Variants in TENM4 observed in about 807,000 individuals in gnomAD.
TENM4 encodes teneurin transmembrane protein 4.
In TENM4, 82 loss-of-function variants were observed where a neutral mutation model predicts 243.3. The observed-to-expected ratio is 0.34, with a 90% CI of 0.28 to 0.40. The LOEUF (loss-of-function observed/expected upper bound fraction) is 0.40, where lower values mean the gene tolerates loss of function less well. Among genes scored for constraint, TENM4 ranks in the 10% least tolerant of loss-of-function variants. TENM4 has a pLI of 1.00. For missense variants in TENM4, 3,138 were observed against 3,673.3 expected (o/e 0.85, Z 3.77); for synonymous variants, 1,412 against 1,456.3 (o/e 0.97, Z 0.69).
intron 3 of TENM4, among the ~76,000 whole-genome samples, chr11:79,198,059 G>A (rs1313035160): frequency 2.0e-5 from 3 of 152,236 alleles, no homozygotes; most frequent in East Asian, 1.9e-4. Flanking sequence ...CACCTAACAG[G>A]CATTCATCAG....
chr11:79,130,500 G>A (rs1861981290), intron 4 of TENM4, among the ~76,000 whole-genome samples: 2 of 151,750 alleles, frequency 1.3e-5, no homozygotes, highest in African/African-American at 2.4e-5. Context: ...AAGAAGTGAA[G>A]GGAGAAATAT....
At chr11:78,687,403 G>A (rs1463365907) in intron 29 of TENM4, among the ~76,000 whole-genome samples, 1 of 152,228 alleles carries the variant, frequency 6.6e-6, no homozygotes, top group Non-Finnish European at 1.5e-5. Flanking sequence ...GGGCAGGAAA[G>A]AATCAGGCAG....
chr11:78,709,863 G>A (rs895757365), intron 26 of TENM4, among the ~76,000 whole-genome samples: 6 of 152,196 alleles, frequency 3.9e-5, no homozygotes, highest in African/African-American at 1.4e-4. Flanking sequence ...CTTTAATAGT[G>A]TACATGGGTG....
intron 19 of TENM4, among the ~76,000 whole-genome samples, chr11:78,753,123 C>T (rs1856228496): frequency 6.6e-6 from 1 of 152,184 alleles, no homozygotes; most frequent in African/African-American, 2.4e-5. Context: ...GATGCAACAG[C>T]CTTTTAATCT....
chr11:79,366,202 C>T (rs556080279), intron 1 of TENM4, among the ~76,000 whole-genome samples: 6 of 152,316 alleles, frequency 3.9e-5, no homozygotes, highest in East Asian at 1.9e-4. Flanking sequence ...AGGTTTCCAC[C>T]GATGACTCAG....
intron 6 of TENM4, among the ~76,000 whole-genome samples, chr11:78,971,076 T>TTC (rs1355793218): frequency 3.3e-5 from 5 of 152,166 alleles, no homozygotes; most frequent in Non-Finnish European, 7.3e-5. Flanking sequence ...GTAGTGGCTA[T>TTC]TCACAGGCAC....
intron 4 of TENM4, among the ~76,000 whole-genome samples, chr11:79,124,045 A>G (rs1861807624): frequency 6.6e-6 from 1 of 152,158 alleles, no homozygotes; most frequent in Non-Finnish European, 1.5e-5. Flanking sequence ...ATTTTGTCCT[A>G]CAATAATACC....
At chr11:79,078,476 T>G (rs1373562165) in intron 4 of TENM4, among the ~76,000 whole-genome samples, 3 of 152,190 alleles carry the variant, frequency 2.0e-5, no homozygotes, top group African/African-American at 7.2e-5. Flanking sequence ...GTACCTGTTC[T>G]TGTACCAAGT....
chr11:78,757,815 G>A (rs1188518707), intron 18 of TENM4, among the ~76,000 whole-genome samples: 3 of 152,186 alleles, frequency 2.0e-5, no homozygotes, highest in South Asian at 2.1e-4. Flanking sequence ...TCTGTGAGAG[G>A]AGGCTGCAGG....
At chr11:79,163,823 G>GTATGTGTACATATATATTATATATACATA (rs1197276280) in intron 3 of TENM4, among the ~76,000 whole-genome samples, 1 of 142,910 alleles carries the variant, frequency 7.0e-6, no homozygotes, top group African/African-American at 2.6e-5. Flanking sequence ...ATATATACAT[G>GTATGTGTACATATATATTATATATACATA]TATGTGTACA....
intron 2 of TENM4, among the ~76,000 whole-genome samples, chr11:79,261,635 G>C (rs1855799598): frequency 6.6e-6 from 1 of 151,682 alleles, no homozygotes. Context: ...GGAATATACA[G>C]AGAGAGAGAG....
intron 7 of TENM4, among the ~76,000 whole-genome samples, chr11:78,900,428 T>C (rs1342929131): frequency 6.6e-6 from 1 of 152,162 alleles, no homozygotes; most frequent in Non-Finnish European, 1.5e-5. Context: ...TTCTCTGAAG[T>C]AGAGAAGAGG....
chr11:79,037,833 T>A (rs1565177329), intron 6 of TENM4, among the ~76,000 whole-genome samples: 1 of 152,208 alleles, frequency 6.6e-6, no homozygotes, highest in African/African-American at 2.4e-5. Flanking sequence ...TCTAATAAAC[T>A]TTCATGAATT....
At chr11:79,015,139 A>C (rs1858739714) in intron 6 of TENM4, among the ~76,000 whole-genome samples, 1 of 152,196 alleles carries the variant, frequency 6.6e-6, no homozygotes. Flanking sequence ...ATCACTAAGG[A>C]CTTACTGCCT....
rs371088201 is a variant in TENM4, at chr11:79,138,570, A to ATATAT, written c.-66+10135_-66+10139dup. 8.8e-3 allele frequency among the ~76,000 whole-genome samples: 230 copies of ATATAT among 26,066 alleles called. 40 individuals are homozygous for ATATAT. Among genetic ancestry groups the ATATAT allele is most frequent in the African/African-American group, 0.038 (209 of 5,562 alleles). The allele number at this position is 26,066 out of a possible 152,430, so 17.1% of individuals were successfully genotyped here. ...TTATATTTATATAAATACATAAAAC[A>ATATAT]TATATTTATATAAATACATAAAACA... On this transcript the variant is annotated intron_variant, in intron 4 of 33. Coordinates refer to ENST00000278550, the MANE Select transcript of TENM4 (RefSeq NM_001098816.3).
chr11:79,250,279 G>T (rs1391489862), intron 2 of TENM4, among the ~76,000 whole-genome samples: 3 of 152,198 alleles, frequency 2.0e-5, no homozygotes, highest in South Asian at 2.1e-4. Flanking sequence ...GAGCCACCAC[G>T]CCTGGCCGGC....
In TENM4 at chr11:78,658,433, G is replaced by A. The variant is rs1857951486; in HGVS notation, c.7935C>T (p.Val2645=). 1 of 1,613,864 alleles carries A rather than the reference G, an allele frequency of 6.2e-7. No homozygotes were observed. Among genetic ancestry groups the A allele is most frequent in the South Asian group, 1.1e-5 (1 of 91,068 alleles). ...TGTTGATCTGGGACACAGTGACGTT[G>A]ACCCCATTCTCCAGGGTTCGCCGCC... ...SGGRRTLENG[V]NVTVSQINTV... Residue 2645 remains valine, a synonymous_variant, in exon 34 of 34, where the codon GTC becomes GTT. Transcript: ENST00000278550.
chr11:78,957,568 T>C (rs1857233285), intron 6 of TENM4, among the ~76,000 whole-genome samples: 10 of 152,204 alleles, frequency 6.6e-5, no homozygotes, highest in Admixed American at 6.5e-4. Context: ...GAAAGAAAAA[T>C]AAACACTCCT....
intron 15 of TENM4, among the ~76,000 whole-genome samples, chr11:78,787,615 G>C (rs115035925): frequency 6.6e-6 from 1 of 152,124 alleles, no homozygotes; most frequent in African/African-American, 2.4e-5. Flanking sequence ...GTTGGGGTGC[G>C]GGAGGGAGGC....
Sources: gnomAD v4.1 joint callset for allele counts (sites outside exome capture counted in the v4.1 genomes callset) on GRCh38, gnomAD v4.1.1 for gene constraint, MANE v1.5 for transcripts, NCBI Gene and HGNC (gene_info 2026-07-23, HGNC 2026-07-21) for gene names.